The following PRKN variants were observed in gnomAD, a reference collection of about 807,000 sequenced individuals.
The protein encoded by PRKN is E3 ubiquitin-protein ligase parkin.
PRKN carries 56 observed loss-of-function variants against 59.5 expected under a neutral mutation model. The observed-to-expected ratio is 0.94, with a 90% CI of 0.76 to 1.18. PRKN has a LOEUF of 1.18. PRKN is among the 50% of genes most tolerant of loss of function. The probability of loss-of-function intolerance (pLI) is 0.00; values close to 1 mark genes in which losing one functional copy is unlikely to be tolerated. For missense variants in PRKN, 657 were observed against 596.4 expected, an observed-to-expected ratio of 1.10 and a Z score of -1.06; for synonymous variants, 250 against 222.1, an observed-to-expected ratio of 1.13 and a Z score of -1.12.
At chr6:162,620,769 G>A (rs1484348103) in intron 1 of PRKN, among the ~76,000 whole-genome samples, 2 of 151,822 alleles carry the variant, frequency 1.3e-5, no homozygotes, top group Non-Finnish European at 2.9e-5. Context: ...GTTCAGGCTG[G>A]CCTCCAACTC....
intron 1 of PRKN, among the ~76,000 whole-genome samples, chr6:162,477,466 T>C (rs1291457082): frequency 6.6e-6 from 1 of 152,190 alleles, no homozygotes; most frequent in Non-Finnish European, 1.5e-5. Context: ...ATCAACAGAA[T>C]ATGTCCAGAA....
intron 4 of PRKN, among the ~76,000 whole-genome samples, chr6:162,127,309 G>C (rs778860029): frequency 3.9e-5 from 6 of 152,202 alleles, no homozygotes; most frequent in Non-Finnish European, 8.8e-5. Context: ...AAAGGTGCTA[G>C]TCTACCAACT....
At chr6:161,553,334 C>G (rs746047821) in intron 8 of PRKN, among the ~76,000 whole-genome samples, 4 of 95,552 alleles carry the variant, frequency 4.2e-5, no homozygotes, top group Non-Finnish European at 9.7e-5. Flanking sequence ...CAGCTTCTTT[C>G]CTTCCTTCTT....
intron 1 of PRKN, among the ~76,000 whole-genome samples, chr6:162,466,035 T>A (rs1238332168): frequency 6.6e-6 from 1 of 152,212 alleles, no homozygotes; most frequent in Non-Finnish European, 1.5e-5. Context: ...ACCACCAATA[T>A]TTTTCTTTCC....
chr6:161,977,541 GGTTTTTTTTT>G lies in PRKN; in HGVS notation c.619-4134_619-4125del, dbSNP rs1448586179. On this transcript the variant is annotated intron_variant, in intron 5 of 11. Transcript: ENST00000366898. ...TATCTTCTCTACTTTCTGTTTTTTT[GGTTTTTTTTT>G]TTTTTTTTTTTTTTAAGACAGAGTC... Among the ~76,000 whole-genome samples the G allele has an allele frequency of 2.7e-4, 27 of 98,728 alleles. No homozygotes were observed. In the East Asian group the frequency reaches 3.6e-3, roughly 13 times the overall value. 64.8% of individuals were successfully genotyped at this position (98,728 alleles called of 152,430 possible).
At chr6:161,819,866 A>C (rs572410895) in intron 6 of PRKN, among the ~76,000 whole-genome samples, 1 of 152,334 alleles carries the variant, frequency 6.6e-6, no homozygotes, top group East Asian at 1.9e-4. Context: ...TATTTTTCAA[A>C]TAAAAAATGA....
At chr6:162,606,195 C>G (rs1781905832) in intron 1 of PRKN, among the ~76,000 whole-genome samples, 1 of 152,158 alleles carries the variant, frequency 6.6e-6, no homozygotes, top group Non-Finnish European at 1.5e-5. Context: ...GCTCCTTAAC[C>G]TATGATAGGG....
At chr6:161,999,260 A>G (rs542965871) in intron 5 of PRKN, among the ~76,000 whole-genome samples, 59 of 152,184 alleles carry the variant, frequency 3.9e-4, no homozygotes, top group African/African-American at 1.2e-3. Flanking sequence ...TAAATGTAAA[A>G]TTGACAACCT....
At chr6:162,352,814 T>A (rs188427723) in intron 2 of PRKN, among the ~76,000 whole-genome samples, 1 of 152,220 alleles carries the variant, frequency 6.6e-6, no homozygotes, top group Non-Finnish European at 1.5e-5. Flanking sequence ...CACCTCATTT[T>A]CTAGATTTGA....
chr6:162,168,127 C>T, intron 4 of PRKN, among the ~76,000 whole-genome samples: 1 of 151,950 alleles, frequency 6.6e-6, no homozygotes, highest in East Asian at 1.9e-4. Context: ...AATTATAGTA[C>T]CAATCAAAGA....
At chr6:162,301,826 ATT>A (rs1781974068) in intron 2 of PRKN, among the ~76,000 whole-genome samples, 1 of 142,690 alleles carries the variant, frequency 7.0e-6, no homozygotes, top group Non-Finnish European at 1.5e-5. Flanking sequence ...AGGCATATTT[ATT>A]CTCAATGCTT....
At chr6:161,808,104 T>G (rs1216610593) in intron 6 of PRKN, among the ~76,000 whole-genome samples, 3 of 152,216 alleles carry the variant, frequency 2.0e-5, no homozygotes, top group Non-Finnish European at 4.4e-5. Flanking sequence ...CTTTTACCAT[T>G]GCATAGCTCA....
At chr6:161,729,364 A>C (rs73015203) in intron 7 of PRKN, among the ~76,000 whole-genome samples, 7 of 152,354 alleles carry the variant, frequency 4.6e-5, no homozygotes, top group Non-Finnish European at 1.0e-4. Flanking sequence ...GGAATTCTTA[A>C]AAATTAAAAA....
At chr6:161,882,918 T>C (rs887795929) in intron 6 of PRKN, among the ~76,000 whole-genome samples, 1 of 151,454 alleles carries the variant, frequency 6.6e-6, no homozygotes, top group Non-Finnish European at 1.5e-5. Context: ...GGCATGATAA[T>C]CGCTTGAATC....
rs151325216 is a variant in PRKN at position 161,386,424 on chromosome 6, AT to A, written c.1167+369del. Among the ~76,000 whole-genome samples the A allele has an allele frequency of 7.0e-4, 106 of 152,338 alleles. 2 individuals are homozygous for A. In the East Asian group the frequency reaches 0.019, roughly 27 times the overall value. ...ACTCACAGAGGTATTTTCACCAGAG[AT>A]TCTAAACTAGGGCATTAAAAACATT... On this transcript the variant is annotated intron_variant, in intron 10 of 11. Coordinates refer to ENST00000366898, the MANE Select transcript of PRKN (RefSeq NM_004562.3). The surrounding 1 kb of genome is among the most constrained non-coding windows in gnomAD (Gnocchi z 4.3).
intron 1 of PRKN, among the ~76,000 whole-genome samples, chr6:162,705,443 T>A (rs1297325631): frequency 6.6e-6 from 1 of 152,152 alleles, no homozygotes; most frequent in African/African-American, 2.4e-5. Context: ...AGAGCTTCTG[T>A]GAGAATACAA....
rs190923719 is a variant in PRKN, at chr6:162,382,199, C to T, written c.171+61111G>A. Among the ~76,000 whole-genome samples the T allele has an allele frequency of 3.0e-4, 46 of 152,188 alleles. 1 individual carries two copies. The highest frequency in any genetic ancestry group is 1.7e-3 in the Admixed American group (26 of 15,290). ...TAGTCACCTAATGATGCTGATGATC[C>T]ATCTCAGCCAAAACAAATCCTTAAA... On this transcript the variant is annotated intron_variant, in intron 2 of 11. Coordinates refer to ENST00000366898, the MANE Select transcript of PRKN (RefSeq NM_004562.3).
chr6:161,924,254 G>A (rs1476118554), intron 6 of PRKN, among the ~76,000 whole-genome samples: 2 of 151,924 alleles, frequency 1.3e-5, no homozygotes, highest in Non-Finnish European at 2.9e-5. Context: ...ATCACTTCTC[G>A]GGCCTCATCT....
intron 6 of PRKN, among the ~76,000 whole-genome samples, chr6:161,885,782 T>C (rs186761964): frequency 1.3e-5 from 2 of 152,154 alleles, no homozygotes; most frequent in Admixed American, 1.3e-4. Flanking sequence ...TTTTTAAAAA[T>C]TTTGAAAATA....
Sources: gnomAD v4.1 joint callset for allele counts (sites outside exome capture counted in the v4.1 genomes callset) on GRCh38, gnomAD v4.1.1 for gene constraint, Gnocchi (gnomAD v3.1) non-coding constraint, MANE v1.5 for transcripts, NCBI Gene and HGNC (gene_info 2026-07-23, HGNC 2026-07-21) for gene names.